ROBO2: variants seen among roughly 807,000 people sequenced by gnomAD.
The protein encoded by ROBO2 is roundabout guidance receptor 2, also known as roundabout homolog 2.
ROBO2 carries 53 observed loss-of-function variants against 160.8 expected under a neutral mutation model. The observed-to-expected ratio is 0.33, with a 90% CI of 0.26 to 0.41. The LOEUF (loss-of-function observed/expected upper bound fraction) is 0.41, where lower values mean the gene tolerates loss of function less well. Among genes scored for constraint, ROBO2 ranks in the 10% least tolerant of loss-of-function variants. The pLI is 1.00. For synonymous variants in ROBO2, 664 were observed against 611.7 expected (o/e 1.09, Z -1.26); for missense variants, 1,577 against 1,722.4 (o/e 0.92, Z 1.49).
intron 5 of ROBO2, among the ~76,000 whole-genome samples, chr3:77,503,849 A>C (rs2088042310): frequency 6.6e-6 from 1 of 152,214 alleles, no homozygotes; most frequent in African/African-American, 2.4e-5. Context: ...AAAAAAGAAT[A>C]ATTTCTGAGA....
At chr3:77,587,249 C>T (rs1322577467) in intron 16 of ROBO2, among the ~76,000 whole-genome samples, 4 of 152,046 alleles carry the variant, frequency 2.6e-5, no homozygotes, top group Non-Finnish European at 5.9e-5. Context: ...CAAGTCAAGG[C>T]AGTGTTACGG....
intron 2 of ROBO2, among the ~76,000 whole-genome samples, chr3:76,567,354 T>A (rs2084594355): frequency 6.6e-6 from 1 of 152,082 alleles, no homozygotes; most frequent in Admixed American, 6.6e-5. Flanking sequence ...TAAGTCATTC[T>A]TTTCAATGCC....
At chr3:76,397,978 T>C (rs1026350763) in intron 2 of ROBO2, among the ~76,000 whole-genome samples, 41 of 152,270 alleles carry the variant, frequency 2.7e-4, no homozygotes, top group African/African-American at 9.9e-4. Flanking sequence ...TTACTGGGTA[T>C]ATACCCAAAG....
intron 2 of ROBO2, among the ~76,000 whole-genome samples, chr3:76,072,783 C>G (rs1454944047): frequency 6.6e-6 from 1 of 152,108 alleles, no homozygotes; most frequent in Non-Finnish European, 1.5e-5. Flanking sequence ...GGCCAATGGC[C>G]TCAAGCGATG....
chr3:77,376,154 CTTTTTT>C (rs11425201), intron 2 of ROBO2, among the ~76,000 whole-genome samples: 24 of 115,544 alleles, frequency 2.1e-4, no homozygotes, highest in Admixed American at 7.3e-4. Flanking sequence ...ATTTAACTTT[CTTTTTT>C]TTTTTTTTTT....
chr3:77,199,620 A>ATTTT (rs66672194), intron 2 of ROBO2, among the ~76,000 whole-genome samples: 21 of 118,172 alleles, frequency 1.8e-4, no homozygotes, highest in African/African-American at 4.1e-4. Context: ...CTCAGTCACC[A>ATTTT]TTTTTTTTTT....
intron 2 of ROBO2, among the ~76,000 whole-genome samples, chr3:76,374,929 C>T (rs569525367): frequency 8.6e-5 from 13 of 150,426 alleles, no homozygotes; most frequent in Middle Eastern, 3.4e-3. Context: ...GACTATCGTA[C>T]GCTTTCTTCT....
At chr3:77,282,955 G>T (rs2060337484) in intron 2 of ROBO2, among the ~76,000 whole-genome samples, 1 of 117,796 alleles carries the variant, frequency 8.5e-6, no homozygotes. Flanking sequence ...AGAGGCTTCT[G>T]CTTTTAAAAA....
At chr3:76,256,309 C>A (rs1251533012) in intron 2 of ROBO2, among the ~76,000 whole-genome samples, 13 of 36,096 alleles carry the variant, frequency 3.6e-4, no homozygotes, top group African/African-American at 3.1e-3. Context: ...GTCTCTCTCT[C>A]TCTCTCTCTC....
chr3:76,882,729 C>G (rs2073481380), intron 2 of ROBO2, among the ~76,000 whole-genome samples: 2 of 152,100 alleles, frequency 1.3e-5, no homozygotes. Flanking sequence ...CCATTTCTTA[C>G]TGTATCTGTT....
chr3:76,034,891 G>T (rs1485488023), intron 2 of ROBO2, among the ~76,000 whole-genome samples: 2 of 152,114 alleles, frequency 1.3e-5, no homozygotes, highest in Non-Finnish European at 2.9e-5. Flanking sequence ...GGTGAGGCCT[G>T]CAAGGCTGCT....
At position 77,537,684 on chromosome 3, in the gene ROBO2, G is replaced by A. The variant is rs551141444; in HGVS notation, c.935-8654G>A. ...TGATACTAATAAGGACATACCCAAG[G>A]CTGGGTAATGTATAAGGAAAAGAGG... On this transcript the variant is annotated intron_variant, in intron 6 of 25. Coordinates refer to ENST00000461745, the Ensembl canonical transcript of ROBO2. Among the ~76,000 whole-genome samples the A allele has an allele frequency of 5.4e-4, 82 of 152,224 alleles. 1 individual carries two copies. Among genetic ancestry groups the A allele is most frequent in the African/African-American group, 1.9e-3 (81 of 41,566 alleles).
chr3:77,116,367 A>G (rs2074201160), intron 2 of ROBO2, among the ~76,000 whole-genome samples: 1 of 152,156 alleles, frequency 6.6e-6, no homozygotes, highest in Non-Finnish European at 1.5e-5. Flanking sequence ...ATATTCAGCA[A>G]TTGTGAATCC....
chr3:77,322,812 A>T (rs1350305149), intron 2 of ROBO2, among the ~76,000 whole-genome samples: 1 of 130,180 alleles, frequency 7.7e-6, no homozygotes, highest in Non-Finnish European at 1.6e-5. Context: ...ATTATATTAT[A>T]CATATGTATT....
At chr3:76,666,720 A>G (rs1237469131) in intron 2 of ROBO2, among the ~76,000 whole-genome samples, 1 of 150,602 alleles carries the variant, frequency 6.6e-6, no homozygotes, top group Non-Finnish European at 1.5e-5. Flanking sequence ...ATTATTTTTC[A>G]CTGAAAAAAA....
At chr3:76,135,903 A>G (rs74533313) in intron 2 of ROBO2, among the ~76,000 whole-genome samples, 1 of 152,254 alleles carries the variant, frequency 6.6e-6, no homozygotes, top group African/African-American at 2.4e-5. Context: ...CTTCACGAGT[A>G]TTAAAAACTT....
intron 6 of ROBO2, among the ~76,000 whole-genome samples, chr3:77,540,653 G>A (rs1476934674): frequency 6.6e-6 from 1 of 152,174 alleles, no homozygotes; most frequent in East Asian, 1.9e-4. Flanking sequence ...TGAGGGGTTG[G>A]TAGGTGCAGC....
At chr3:77,095,584 A>G (rs534379581) in intron 1 of ROBO2, among the ~76,000 whole-genome samples, 29 of 152,242 alleles carry the variant, frequency 1.9e-4, no homozygotes, top group African/African-American at 7.0e-4. Flanking sequence ...ATGGAGAACA[A>G]AGGGGCTATC....
At chr3:76,468,987 C>T (rs2078507172) in intron 2 of ROBO2, among the ~76,000 whole-genome samples, 1 of 152,058 alleles carries the variant, frequency 6.6e-6, no homozygotes, top group African/African-American at 2.4e-5. Context: ...AAATAGAACT[C>T]ATCATCATCT....
Sources: allele counts gnomAD v4.1 joint callset (sites outside exome capture counted in the v4.1 genomes callset), GRCh38; gene constraint gnomAD v4.1.1; transcripts MANE v1.5; gene names NCBI Gene and HGNC (gene_info 2026-07-23, HGNC 2026-07-21).